KCNQ1: variants seen among roughly 807,000 people sequenced by gnomAD.
KCNQ1 encodes the protein potassium voltage-gated channel subfamily Q member 1.
In KCNQ1, 49 loss-of-function variants were observed where a neutral mutation model predicts 72.4. That is an observed-to-expected ratio of 0.68 (90% confidence interval 0.54 to 0.86). The LOEUF is 0.86. Among genes scored for constraint, KCNQ1 ranks in the 40% least tolerant of loss-of-function variants. The pLI, the probability that KCNQ1 is intolerant of heterozygous loss-of-function variation, is 0.00. For missense variants in KCNQ1, 790 were observed against 945.1 expected, an observed-to-expected ratio of 0.84 and a Z score of 2.15; for synonymous variants, 450 against 412.6, an observed-to-expected ratio of 1.09 and a Z score of -1.10.
At chr11:2,637,789 A>C (rs1396238746) in intron 10 of KCNQ1, 1 of 152,160 alleles carries the variant, frequency 6.6e-6, no homozygotes, top group East Asian at 1.9e-4. Flanking sequence ...TGGGGTGTTA[A>C]AGTCTCCCAT....
At chr11:2,763,087 A>G (rs933285238) in intron 11 of KCNQ1, among the ~76,000 whole-genome samples, 1 of 152,228 alleles carries the variant, frequency 6.6e-6, no homozygotes, top group African/African-American at 2.4e-5. Flanking sequence ...AACAAAAAGC[A>G]CTGTGATATT....
chr11:2,643,507 A>T (rs1849611969), intron 10 of KCNQ1: 1 of 398,322 alleles, frequency 2.5e-6, no homozygotes, highest in African/African-American at 2.1e-5. Context: ...TGCATGTAAT[A>T]TCTTTTCCCA....
At position 2,544,412 on chromosome 11, in the gene KCNQ1, A is replaced by G. The variant is rs2133683520; in HGVS notation, c.477+16394A>G. ...TATATGTGTATATATGTGTGTGTAT[A>G]TATATATATGGTTACATACCTAATA... is the stretch of plus-strand genomic sequence containing the variant. On this transcript the variant is annotated intron_variant, in intron 2 of 15. Transcript: ENST00000155840. The surrounding 1 kb of genome is among the most constrained non-coding windows in gnomAD (Gnocchi z 4.4). Among the ~76,000 whole-genome samples the G allele has an allele frequency of 6.6e-6, 1 of 150,846 alleles. No homozygotes were observed. Among genetic ancestry groups the G allele is most frequent in the East Asian group, 1.9e-4 (1 of 5,152 alleles).
At chr11:2,796,792 A>C (rs1018526278) in intron 15 of KCNQ1, among the ~76,000 whole-genome samples, 2 of 152,164 alleles carry the variant, frequency 1.3e-5, no homozygotes, top group African/African-American at 4.8e-5. Flanking sequence ...CCTTGTCCCC[A>C]CACAAGCCCC....
intron 11 of KCNQ1, among the ~76,000 whole-genome samples, chr11:2,757,332 G>A (rs928844305): frequency 3.3e-5 from 5 of 152,052 alleles, no homozygotes; most frequent in African/African-American, 4.8e-5. Context: ...TTACAATTGC[G>A]CTAAAGAAAT....
In KCNQ1 at chr11:2,599,221, T is replaced by C. The variant is rs1489362838; in HGVS notation, c.1393+10367T>C. Reference sequence around the variant, plus strand: ...ATGAAATAAAATACATGTGACATAATGAAGGCATTATCATTGTTTTCCAAA... The same window carrying C: ...ATGAAATAAAATACATGTGACATAACGAAGGCATTATCATTGTTTTCCAAA... On this transcript the variant is annotated intron_variant, in intron 10 of 15. Coordinates refer to ENST00000155840, the MANE Select transcript of KCNQ1 (RefSeq NM_000218.3). The surrounding 1 kb of genome is among the most constrained non-coding windows in gnomAD (Gnocchi z 4.7). 1.3e-5 allele frequency among the ~76,000 whole-genome samples: 2 copies of C among 152,240 alleles called. No homozygotes were observed. Among genetic ancestry groups the C allele is most frequent in the East Asian group, 3.8e-4 (2 of 5,198 alleles).
At position 2,830,028 on chromosome 11, in the gene KCNQ1, AGGAGGAGGGAGGAGGAAGGAGGAG is replaced by A. The variant is rs1189360319; in HGVS notation, c.1795-17725_1795-17702del. 1.9e-5 allele frequency among the ~76,000 whole-genome samples: 2 copies of A among 103,110 alleles called. No homozygotes were observed. Among genetic ancestry groups the A allele is most frequent in the South Asian group, 4.0e-4 (1 of 2,496 alleles). The allele number at this position is 103,110 out of a possible 152,430, so 67.6% of individuals were successfully genotyped here. On this transcript the variant is annotated intron_variant, in intron 15 of 15. Coordinates refer to ENST00000155840, the MANE Select transcript of KCNQ1 (RefSeq NM_000218.3). The surrounding 1 kb of genome is among the most constrained non-coding windows in gnomAD (Gnocchi z 7.7). Reference sequence around the variant, plus strand: ...GAGGAAGGAGGAGGAAGGAGGAGGAAGGAGGAGGGAGGAGGAAGGAGGAGGGAGGAGGGAGGAAGAGAGAGAAGG... The same window carrying A: ...GAGGAAGGAGGAGGAAGGAGGAGGAAGGAGGAGGGAGGAAGAGAGAGAAGG...
rs1341505583 is a variant in KCNQ1 at position 2,651,735 on chromosome 11, G to A, written c.1394-10226G>A. The stretch of plus-strand genomic sequence containing the variant: ...GTAAGCATCATCCTCATTTCTATAC[G>A]TTTTCTCTGATTACTGGAAATTCCT... On this transcript the variant is annotated intron_variant, in intron 10 of 15. Transcript: ENST00000155840. This position sits in a 1 kb window ranked among gnomAD's most constrained non-coding sequence, Gnocchi z 6.1. The A allele has an allele frequency of 2.0e-5, 8 of 398,374 alleles. No homozygotes were observed. The highest frequency in any genetic ancestry group is 3.6e-5 in the East Asian group (1 of 28,090). The allele number at this position is 398,374 out of a possible 1,614,324, so 24.7% of individuals were successfully genotyped here. A position where few individuals can be genotyped will look rare whatever the true frequency, so the allele number is the denominator to read the frequency against.
At position 2,651,530 on chromosome 11, in the gene KCNQ1, G is replaced by A. The variant is rs1178801353; in HGVS notation, c.1394-10431G>A. ...AAGAACGTGAATGCTAAGGGCATAT[G>A]AGTGTGTCCCTGAGAACATGGATAT... On this transcript the variant is annotated intron_variant, in intron 10 of 15. Transcript: ENST00000155840. This position sits in a 1 kb window ranked among gnomAD's most constrained non-coding sequence, Gnocchi z 6.1. The A allele has an allele frequency of 2.5e-6, 1 of 398,496 alleles. No homozygotes were observed. The highest frequency in any genetic ancestry group is 4.4e-6 in the Non-Finnish European group (1 of 226,092). 24.7% of individuals were successfully genotyped at this position (398,496 alleles called of 1,614,324 possible). A position where few individuals can be genotyped will look rare whatever the true frequency, so the allele number is the denominator to read the frequency against.
At chr11:2,529,037 C>T (rs139929625) in intron 2 of KCNQ1, among the ~76,000 whole-genome samples, 1,887 of 152,302 alleles carry the variant, frequency 0.012, 32 homozygotes, top group African/African-American at 0.042. Context: ...CTGGGAGTTT[C>T]CTGGGTAAGT....
chr11:2,533,921 G>A (rs1212541860), intron 2 of KCNQ1, among the ~76,000 whole-genome samples: 1 of 152,152 alleles, frequency 6.6e-6, no homozygotes, highest in Non-Finnish European at 1.5e-5. Flanking sequence ...CAATGCCTGT[G>A]GTTAAAAAAC....
chr11:2,445,732 C>A (rs937001955), intron 1 of KCNQ1, among the ~76,000 whole-genome samples: 1 of 152,206 alleles, frequency 6.6e-6, no homozygotes, highest in South Asian at 2.1e-4. Flanking sequence ...GAGGGGACCA[C>A]CTGGAGCCCA....
chr11:2,521,299 C>T (rs1346923667), intron 1 of KCNQ1, among the ~76,000 whole-genome samples: 1 of 152,182 alleles, frequency 6.6e-6, no homozygotes, highest in East Asian at 1.9e-4. Context: ...TCTCCCTCGG[C>T]CCCGCTGTCC....
intron 1 of KCNQ1, among the ~76,000 whole-genome samples, chr11:2,448,572 T>A (rs921091809): frequency 2.6e-5 from 4 of 152,308 alleles, no homozygotes; most frequent in Admixed American, 2.6e-4. Context: ...TGGGCAGTTG[T>A]TCTGCAGCTG....
chr11:2,456,757 TAAAAATCCA>T (rs1846196449), intron 1 of KCNQ1, among the ~76,000 whole-genome samples: 1 of 25,990 alleles, frequency 3.8e-5, no homozygotes, highest in African/African-American at 2.4e-4. Context: ...CTGTCTCTAC[TAAAAATCCA>T]AAAAAAAAAA....
chr11:2,627,947 T>A lies in KCNQ1; in HGVS notation c.1394-34014T>A. ...TAAAATTTTATGTAGAGATAGGGTA[T>A]CACTATGTTTCCTAGGCTGGTCTCA... On this transcript the variant is annotated intron_variant, in intron 10 of 15. Transcript: ENST00000155840. This position sits in a 1 kb window ranked among gnomAD's most constrained non-coding sequence, Gnocchi z 4.9. 2.5e-6 allele frequency: 1 copy of A among 398,550 alleles called. No individual in the cohort carries two copies. 24.7% of individuals were successfully genotyped at this position (398,550 alleles called of 1,614,324 possible).
chr11:2,476,161 A>T (rs930930727), intron 1 of KCNQ1, among the ~76,000 whole-genome samples: 2 of 152,244 alleles, frequency 1.3e-5, no homozygotes, highest in Admixed American at 1.3e-4. Flanking sequence ...CAAAAGATGT[A>T]CCTTTTACAG....
At chr11:2,760,891 A>C (rs1846382537) in intron 11 of KCNQ1, among the ~76,000 whole-genome samples, 1 of 152,192 alleles carries the variant, frequency 6.6e-6, no homozygotes, top group African/African-American at 2.4e-5. Context: ...ACCCCACAGC[A>C]GCGTCTAGGG....
intron 11 of KCNQ1, chr11:2,667,621 CTT>C (rs1850103852): frequency 5.0e-6 from 2 of 398,614 alleles, no homozygotes; most frequent in Non-Finnish European, 8.8e-6. Context: ...ATATAGATCT[CTT>C]GTGTGCTCTG....
Sources: gnomAD v4.1 joint callset for allele counts (sites outside exome capture counted in the v4.1 genomes callset) on GRCh38, gnomAD v4.1.1 for gene constraint, Gnocchi (gnomAD v3.1) non-coding constraint, MANE v1.5 for transcripts, NCBI Gene and HGNC (gene_info 2026-07-23, HGNC 2026-07-21) for gene names.